Variants in SPTA1 observed in about 807,000 individuals in gnomAD.
The protein encoded by SPTA1 is spectrin alpha chain, erythrocytic 1.
In SPTA1, 177 loss-of-function variants were observed where a neutral mutation model predicts 324.7. That is an observed-to-expected ratio of 0.55 (90% confidence interval 0.48 to 0.62). The LOEUF (loss-of-function observed/expected upper bound fraction) is 0.62. Ranked by LOEUF, SPTA1 falls within the 20% of genes least tolerant of loss-of-function variation. The pLI is 0.00. For synonymous variants in SPTA1, 1,195 were observed against 1,041.3 expected (o/e 1.15, Z -2.84); for missense variants, 3,162 against 2,883.6 (o/e 1.10, Z -2.21).
chr1:158,665,376 T>C (rs1653518304), intron 16 of SPTA1, among the ~76,000 whole-genome samples: 1 of 152,186 alleles, frequency 6.6e-6, no homozygotes, highest in East Asian at 1.9e-4. Flanking sequence ...TAGATTATTC[T>C]GTTTTTTTCC....
intron 12 of SPTA1, among the ~76,000 whole-genome samples, chr1:158,670,763 G>T (rs1653963812): frequency 6.6e-6 from 1 of 151,800 alleles, no homozygotes; most frequent in Non-Finnish European, 1.5e-5. Flanking sequence ...GAAAAACAGA[G>T]ATAAAGATAT....
chr1:158,681,728 A>C, intron 3 of SPTA1, 61 bp from the exon 4 acceptor site: 4 of 1,608,144 alleles, frequency 2.5e-6, no homozygotes, highest in Non-Finnish European at 2.6e-6. Flanking sequence ...AAACACTCAG[A>C]GACTTGTGCA....
intron 8 of SPTA1, 55 bp from the exon 9 acceptor site, chr1:158,674,730 T>C: frequency 6.2e-7 from 1 of 1,606,638 alleles, no homozygotes; most frequent in Non-Finnish European, 8.5e-7. Flanking sequence ...TGAAAGGACA[T>C]TGAACAAAGA....
chr1:158,669,862 TTTAAAGA>T, intron 12 of SPTA1, 76 bp from the exon 13 acceptor site: 1 of 1,446,798 alleles, frequency 6.9e-7, no homozygotes, highest in Non-Finnish European at 9.7e-7. Flanking sequence ...TGGGTAGCTG[TTTAAAGA>T]TGAAGAACAG....
At chr1:158,636,182 G>T in intron 37 of SPTA1, 148 bp from the exon 38 acceptor site, 2 of 1,407,712 alleles carry the variant, frequency 1.4e-6, no homozygotes, top group Middle Eastern at 1.8e-4. Flanking sequence ...AGTCCAGGGA[G>T]AATGATGAAA....
At chr1:158,672,416 A>T (rs1654091598) in intron 10 of SPTA1, among the ~76,000 whole-genome samples, 1 of 152,212 alleles carries the variant, frequency 6.6e-6, no homozygotes, top group African/African-American at 2.4e-5. Context: ...AATGAAAAAG[A>T]CTAATTCTAA....
At chr1:158,677,616 C>G in intron 7 of SPTA1, 74 bp downstream of exon 7, 1 of 1,577,588 alleles carries the variant, frequency 6.3e-7, no homozygotes. Context: ...TCTGGAGGCA[C>G]GGTAATAGGC....
At chr1:158,680,211 A>G (rs1654698971) in intron 5 of SPTA1, among the ~76,000 whole-genome samples, 1 of 152,178 alleles carries the variant, frequency 6.6e-6, no homozygotes, top group African/African-American at 2.4e-5. Context: ...ATTATTTTAT[A>G]TGCTCTGCTA....
chr1:158,651,703 C>A (rs16840437), intron 23 of SPTA1, among the ~76,000 whole-genome samples: 10,032 of 152,144 alleles, frequency 0.066, 1,087 homozygotes, highest in African/African-American at 0.23. Flanking sequence ...TGAAGCACAG[C>A]CATTTTTCTA....
intron 48 of SPTA1, chr1:158,614,857 C>T (rs1649461123): frequency 4.5e-6 from 1 of 221,584 alleles, no homozygotes; most frequent in Non-Finnish European, 9.0e-6. Context: ...TATTTGGCCA[C>T]ACTTTAAATG....
chr1:158,621,270 T>C (rs1649896650), intron 43 of SPTA1, among the ~76,000 whole-genome samples: 1 of 152,218 alleles, frequency 6.6e-6, no homozygotes, highest in African/African-American at 2.4e-5. Flanking sequence ...CAGATAGTAC[T>C]TCTAAAGAGG....
At position 158,654,431 on chromosome 1, in the gene SPTA1, A is replaced by G. The variant is rs1314372785; in HGVS notation, c.3036+180T>C. 3.9e-5 allele frequency among the ~76,000 whole-genome samples: 6 copies of G among 152,322 alleles called. No individual in the cohort carries two copies. The South Asian group carries it at 1.2e-3, about 32-fold the overall frequency. On this transcript the variant is annotated intron_variant, in intron 21 of 51. Transcript: ENST00000643759. Reference sequence around the variant, plus strand: ...AACATTGGGATTATAATTCCAAAAGATATGTGTAGGATCCTGCAAAATATC... The same window carrying G: ...AACATTGGGATTATAATTCCAAAAGGTATGTGTAGGATCCTGCAAAATATC...
At chr1:158,662,387 A>G (rs1557972034) in intron 17 of SPTA1, among the ~76,000 whole-genome samples, 1 of 152,174 alleles carries the variant, frequency 6.6e-6, no homozygotes, top group Non-Finnish European at 1.5e-5. Flanking sequence ...AAACACAAAC[A>G]CTTAGTATCT....
chr1:158,612,832 T>C lies in SPTA1; in HGVS notation c.7119A>G (p.Lys2373=), dbSNP rs770170829. 6.2e-7 allele frequency: 1 copy of C among 1,613,944 alleles called. No homozygotes were observed. Among genetic ancestry groups the C allele is most frequent in the South Asian group, 1.1e-5 (1 of 91,080 alleles). The stretch of plus-strand genomic sequence containing the variant: ...AGAATCGGACCTGCTTCATGTCTTC[T>C]TTGGTAATATATGACTTGCCCTCTG... The part of the protein sequence containing the change: ...ALAEGKSYIT[K]EDMKQALTPE... Residue 2373 remains lysine (K), a synonymous_variant, in exon 51 of 52, where the codon AAA becomes AAG. Transcript: ENST00000643759.
intron 46 of SPTA1, 56 bp from the exon 47 acceptor site, chr1:158,617,644 A>G: frequency 6.8e-7 from 1 of 1,468,956 alleles, no homozygotes; most frequent in Non-Finnish European, 9.5e-7. Flanking sequence ...AATATTTCAT[A>G]CATGCATACC....
chr1:158,627,746 A>C, intron 39 of SPTA1, 23 bp from the exon 40 acceptor site: 1 of 1,605,220 alleles, frequency 6.2e-7, no homozygotes, highest in African/African-American at 1.3e-5. Context: ...GTCGGTGAGA[A>C]TTAAGATATC....
At chr1:158,639,518 G>T in intron 35 of SPTA1, 64 bp downstream of exon 35, 1 of 1,529,082 alleles carries the variant, frequency 6.5e-7, no homozygotes. Flanking sequence ...TCCTAACATG[G>T]GAGGGAGAAG....
intron 36 of SPTA1, among the ~76,000 whole-genome samples, chr1:158,637,546 A>G (rs908977633): frequency 1.3e-5 from 2 of 152,110 alleles, no homozygotes; most frequent in African/African-American, 4.8e-5. Flanking sequence ...TCAGTGTCAT[A>G]TAAGATATAC....
intron 47 of SPTA1, among the ~76,000 whole-genome samples, chr1:158,615,808 A>T (rs1649522626): frequency 6.6e-6 from 1 of 152,196 alleles, no homozygotes; most frequent in Non-Finnish European, 1.5e-5. Context: ...GCTCACAGTG[A>T]TCTGCACTGG....
Sources: allele counts gnomAD v4.1 joint callset (sites outside exome capture counted in the v4.1 genomes callset), GRCh38; gene constraint gnomAD v4.1.1; transcripts MANE v1.5; gene names NCBI Gene and HGNC (gene_info 2026-07-23, HGNC 2026-07-21).